The following DCAF5 variants were observed in gnomAD, a reference collection of about 807,000 sequenced individuals.
DCAF5 encodes DDB1 and CUL4 associated factor 5, also known as DDB1- and CUL4-associated factor 5.
In DCAF5, 9 loss-of-function variants were observed where a neutral mutation model predicts 80.7. That is an observed-to-expected ratio of 0.11 (90% CI 0.07 to 0.19). The LOEUF (loss-of-function observed/expected upper bound fraction) is 0.19, where lower values mean the gene tolerates loss of function less well. Ranked by LOEUF, DCAF5 falls within the 10% of genes least tolerant of loss-of-function variation. The pLI is 1.00. For missense variants in DCAF5, 842 were observed against 1,205.7 expected (o/e 0.70, Z 4.47); for synonymous variants, 433 against 461.9 (o/e 0.94, Z 0.80).
chr14:69,106,663 C>T (rs1293654445), intron 5 of DCAF5, among the ~76,000 whole-genome samples: 2 of 152,172 alleles, frequency 1.3e-5, no homozygotes, highest in Non-Finnish European at 1.5e-5. Flanking sequence ...TGAGCCACTG[C>T]ACCCAGCCTA....
At chr14:69,123,160 T>C (rs1401799751) in intron 1 of DCAF5, among the ~76,000 whole-genome samples, 1 of 152,232 alleles carries the variant, frequency 6.6e-6, no homozygotes, top group Non-Finnish European at 1.5e-5. Context: ...ATTAAGTTGT[T>C]AGATCTATAC....
intron 5 of DCAF5, among the ~76,000 whole-genome samples, chr14:69,099,558 T>C (rs940182634): frequency 2.0e-5 from 3 of 152,154 alleles, no homozygotes; most frequent in Non-Finnish European, 4.4e-5. Context: ...ATCCTTTAAG[T>C]GAGTTAAATT....
chr14:69,115,802 C>T (rs1298660993), intron 5 of DCAF5, among the ~76,000 whole-genome samples: 1 of 152,200 alleles, frequency 6.6e-6, no homozygotes, highest in East Asian at 1.9e-4. Context: ...CACCACAGTG[C>T]AATGGCTCTT....
chr14:69,147,716 C>CT (rs2041581685), intron 1 of DCAF5, among the ~76,000 whole-genome samples: 1 of 152,126 alleles, frequency 6.6e-6, no homozygotes, highest in Non-Finnish European at 1.5e-5. Flanking sequence ...AATGACTCTC[C>CT]CCATTCACAA....
At chr14:69,061,113 C>T (rs1161297553) in intron 8 of DCAF5, among the ~76,000 whole-genome samples, 2 of 151,882 alleles carry the variant, frequency 1.3e-5, no homozygotes, top group Non-Finnish European at 2.9e-5. Flanking sequence ...CAAGCAATCC[C>T]TCAGCCTTAG....
At chr14:69,119,722 A>G (rs1315545303) in intron 2 of DCAF5, among the ~76,000 whole-genome samples, 2 of 149,100 alleles carry the variant, frequency 1.3e-5, no homozygotes, top group East Asian at 3.9e-4. Flanking sequence ...AAAAAAAAGT[A>G]GGGGGGAAAC....
In DCAF5 at chr14:69,055,638, A is replaced by T. The variant is rs376527674; in HGVS notation, c.1075-27T>A. On this transcript the variant is annotated intron_variant, in intron 8 of 8. Coordinates refer to ENST00000341516, the MANE Select transcript of DCAF5 (RefSeq NM_003861.3). This position sits in a 1 kb window ranked among gnomAD's most constrained non-coding sequence, Gnocchi z 5.6. The stretch of plus-strand genomic sequence containing the variant: ...TGAACAGAAAATGAAAAACAAAAGC[A>T]ACAAGGAGTAACTGGAAAGTATTCT... 1.9e-6 allele frequency: 3 copies of T among 1,567,924 alleles called. No individual in the cohort carries two copies. Among genetic ancestry groups the T allele is most frequent in the Non-Finnish European group, 2.6e-6 (3 of 1,150,898 alleles).
intron 6 of DCAF5, chr14:69,084,003 A>C (rs1209023374): frequency 2.6e-6 from 2 of 782,120 alleles, no homozygotes; most frequent in Non-Finnish European, 4.8e-6. Flanking sequence ...TCAGCATAAA[A>C]GTATCAGACC....
chr14:69,135,266 G>A (rs757647461), intron 1 of DCAF5, among the ~76,000 whole-genome samples: 4 of 152,154 alleles, frequency 2.6e-5, no homozygotes, highest in South Asian at 2.1e-4. Context: ...GGGCAGTGAC[G>A]GCAAATTGTA....
chr14:69,115,400 T>C (rs780776484), intron 5 of DCAF5, among the ~76,000 whole-genome samples: 2 of 152,104 alleles, frequency 1.3e-5, no homozygotes, highest in Non-Finnish European at 1.5e-5. Context: ...GGAGTAAAAA[T>C]CATCAAGGAA....
chr14:69,122,120 A>G lies in DCAF5; in HGVS notation c.358+97T>C, dbSNP rs993407268. 30 of 1,443,362 alleles carry G rather than the reference A, an allele frequency of 2.1e-5. No homozygotes were observed. The East Asian group carries it at 2.5e-4, about 12-fold the overall frequency. The allele number at this position is 1,443,362 out of a possible 1,614,324, so 89.4% of individuals were successfully genotyped here. A position where few individuals can be genotyped will look rare whatever the true frequency, so the allele number is the denominator to read the frequency against. On this transcript the variant is annotated intron_variant, in intron 2 of 8. Transcript: ENST00000341516. ...GAGAAACCAGTAATTCCACAGCTCA[A>G]TGAAATACAGGAAGAAAAATAAGGA... is the stretch of plus-strand genomic sequence containing the variant.
intron 2 of DCAF5, 135 bp from the exon 3 acceptor site, chr14:69,119,365 G>A: frequency 1.3e-6 from 1 of 770,516 alleles, no homozygotes; most frequent in Non-Finnish European, 2.0e-6. Flanking sequence ...AGTGTTAACT[G>A]GAAAAAAGAT....
intron 6 of DCAF5, among the ~76,000 whole-genome samples, chr14:69,081,723 C>T (rs1341221136): frequency 6.6e-6 from 1 of 151,256 alleles, no homozygotes; most frequent in African/African-American, 2.4e-5. Context: ...CCCAAATGTC[C>T]TCTGTCAATC....
intron 1 of DCAF5, among the ~76,000 whole-genome samples, chr14:69,147,512 T>C (rs1175567330): frequency 2.0e-5 from 3 of 152,170 alleles, no homozygotes; most frequent in African/African-American, 4.8e-5. Context: ...ATAAGTGACC[T>C]GTCAAAAGCA....
chr14:69,151,995 C>T (rs2041721337), intron 1 of DCAF5, among the ~76,000 whole-genome samples: 1 of 152,198 alleles, frequency 6.6e-6, no homozygotes. Flanking sequence ...TGCGGGGCGC[C>T]GGGCTCCCGC....
Position 69,126,866 on chromosome 14 carries a change from G to C in DCAF5, c.215-4506C>G, listed in dbSNP as rs146894684. Among the ~76,000 whole-genome samples the C allele has an allele frequency of 1.1e-4, 17 of 152,264 alleles. No homozygotes were observed. In the East Asian group the frequency reaches 3.3e-3, roughly 29 times the overall value. On this transcript the variant is annotated intron_variant, in intron 1 of 8. Transcript: ENST00000341516. Reference sequence around the variant, plus strand: ...TCTAAATATCCACATGCATAAAAATGAATTTAGATACAGACTTTATACCCT... The same window carrying C: ...TCTAAATATCCACATGCATAAAAATCAATTTAGATACAGACTTTATACCCT...
At chr14:69,092,729 A>G (rs531070969) in intron 5 of DCAF5, among the ~76,000 whole-genome samples, 37 of 152,362 alleles carry the variant, frequency 2.4e-4, no homozygotes, top group African/African-American at 8.9e-4. Flanking sequence ...TATATTCTAT[A>G]TAGCATGATA....
In DCAF5 at chr14:69,053,618, A is replaced by AGGG; in HGVS notation, c.*238_*239insCCC. ...ACACTACGCTCACGTCTCACTAGAA[A>AGGG]GGAGTCACTTGGGTTATTTTTTTTT... On this transcript the variant is annotated 3_prime_UTR_variant, in exon 9 of 9. Coordinates refer to ENST00000341516, the MANE Select transcript of DCAF5 (RefSeq NM_003861.3). The AGGG allele has an allele frequency of 2.0e-6, 1 of 494,542 alleles. No homozygotes were observed. 30.6% of individuals were successfully genotyped at this position (494,542 alleles called of 1,614,324 possible).
At chr14:69,103,073 A>G (rs920999055) in intron 5 of DCAF5, among the ~76,000 whole-genome samples, 2 of 152,202 alleles carry the variant, frequency 1.3e-5, no homozygotes, top group South Asian at 2.1e-4. Context: ...TTTGTCATAC[A>G]TGTGGGTCCA....
Sources: allele counts gnomAD v4.1 joint callset (sites outside exome capture counted in the v4.1 genomes callset), GRCh38; gene constraint gnomAD v4.1.1; non-coding constraint Gnocchi (gnomAD v3.1); transcripts MANE v1.5; gene names NCBI Gene and HGNC (gene_info 2026-07-23, HGNC 2026-07-21).